Variants in CDH12 observed in about 807,000 individuals in gnomAD.
CDH12 encodes cadherin-12.
In CDH12, 41 loss-of-function variants were observed where a neutral mutation model predicts 74.1. The ratio of observed to expected loss-of-function variants is 0.55; its 90% CI spans 0.43 to 0.72. The LOEUF (loss-of-function observed/expected upper bound fraction) is 0.72. Ranked by LOEUF, CDH12 falls within the 30% of genes least tolerant of loss-of-function variation. The pLI, the probability that CDH12 is intolerant of heterozygous loss-of-function variation, is 0.00. For missense variants in CDH12, 945 were observed against 977.2 expected (o/e 0.97, Z 0.44); for synonymous variants, 399 against 355.0 (o/e 1.12, Z -1.39).
intron 3 of CDH12, among the ~76,000 whole-genome samples, chr5:22,351,903 T>C (rs1053452311): frequency 1.3e-5 from 2 of 152,118 alleles, no homozygotes; most frequent in Non-Finnish European, 2.9e-5. Context: ...ATAGTAGTAA[T>C]TGAAGAAAAA....
chr5:22,403,942 T>C (rs917191874), intron 3 of CDH12, among the ~76,000 whole-genome samples: 2 of 152,136 alleles, frequency 1.3e-5, no homozygotes, highest in Admixed American at 1.3e-4. Context: ...AGATATAATA[T>C]TTGACTATAT....
At position 22,808,605 on chromosome 5, in the gene CDH12, C is replaced by CTTTTT. The variant is rs34567315; in HGVS notation, c.-523+44448_-523+44452dup. Among the ~76,000 whole-genome samples the CTTTTT allele has an allele frequency of 2.3e-4, 26 of 111,454 alleles. 1 individual carries two copies. Among genetic ancestry groups the CTTTTT allele is most frequent in the South Asian group, 2.9e-4 (1 of 3,442 alleles). 73.1% of individuals were successfully genotyped at this position (111,454 alleles called of 152,430 possible). A position where few individuals can be genotyped will look rare whatever the true frequency, so the allele number is the denominator to read the frequency against. ...CATAGATTTTCTTTTCTTTTCTTGT[C>CTTTTT]TTTTTTTTTTTTTTTTTTTGAGATG... On this transcript the variant is annotated intron_variant, in intron 1 of 14. Transcript: ENST00000382254.
At chr5:22,300,954 A>G (rs1192173611) in intron 3 of CDH12, among the ~76,000 whole-genome samples, 3 of 152,210 alleles carry the variant, frequency 2.0e-5, no homozygotes, top group African/African-American at 7.2e-5. Flanking sequence ...CTATGACCCA[A>G]GTATAAAATG....
At chr5:22,045,157 A>T (rs572487911) in intron 5 of CDH12, among the ~76,000 whole-genome samples, 1 of 152,322 alleles carries the variant, frequency 6.6e-6, no homozygotes, top group South Asian at 2.1e-4. Context: ...TTTTTAAAAG[A>T]AGACATATAA....
At chr5:22,102,691 A>AATAAATAAATAC (rs1422136034) in intron 4 of CDH12, among the ~76,000 whole-genome samples, 2 of 148,974 alleles carry the variant, frequency 1.3e-5, no homozygotes, top group African/African-American at 5.0e-5. Context: ...TAAATAAATA[A>AATAAATAAATAC]ATACATAAAT....
chr5:22,304,253 A>G (rs921353364), intron 3 of CDH12, among the ~76,000 whole-genome samples: 1 of 152,170 alleles, frequency 6.6e-6, no homozygotes, highest in African/African-American at 2.4e-5. Context: ...ACGCATGGTC[A>G]CCTTGGCTAC....
At chr5:21,960,782 G>A (rs2910519) in intron 6 of CDH12, among the ~76,000 whole-genome samples, 7,781 of 151,750 alleles carry the variant, frequency 0.051, 669 homozygotes, top group African/African-American at 0.18. Context: ...ATGTTTGCCT[G>A]TCTTTCTATT....
At chr5:22,732,471 TACAC>T (rs58402882) in intron 1 of CDH12, among the ~76,000 whole-genome samples, 144 of 72,696 alleles carry the variant, frequency 2.0e-3, no homozygotes, top group African/African-American at 4.5e-3. Context: ...TATATATATA[TACAC>T]ACACACACAC....
chr5:21,872,771 T>A (rs1751693551), intron 6 of CDH12, among the ~76,000 whole-genome samples: 1 of 150,128 alleles, frequency 6.7e-6, no homozygotes, highest in Non-Finnish European at 1.5e-5. Context: ...GCCTCTGCCA[T>A]GTTAAGAGTA....
intron 4 of CDH12, among the ~76,000 whole-genome samples, chr5:22,125,409 CT>C (rs775647642): frequency 3.3e-5 from 5 of 152,126 alleles, no homozygotes; most frequent in Non-Finnish European, 5.9e-5. Flanking sequence ...TGGTTTCCAG[CT>C]TCATTCATGT....
At chr5:22,388,226 C>T (rs751077986) in intron 3 of CDH12, among the ~76,000 whole-genome samples, 60 of 152,108 alleles carry the variant, frequency 3.9e-4, no homozygotes, top group Middle Eastern at 6.8e-3. Context: ...TTGGCTTCTG[C>T]TTTACAAATG....
chr5:22,076,364 T>G (rs768054458), intron 5 of CDH12, among the ~76,000 whole-genome samples: 11 of 152,152 alleles, frequency 7.2e-5, no homozygotes, highest in Non-Finnish European at 1.3e-4. Flanking sequence ...GAAATACTAC[T>G]GCTATCTAGG....
At chr5:22,398,435 G>A (rs1742560143) in intron 3 of CDH12, among the ~76,000 whole-genome samples, 1 of 152,070 alleles carries the variant, frequency 6.6e-6, no homozygotes, top group Non-Finnish European at 1.5e-5. Context: ...TAAGAGAGTT[G>A]GGTGTGAATG....
chr5:21,773,325 G>A (rs1181157466), intron 11 of CDH12, among the ~76,000 whole-genome samples: 2 of 152,156 alleles, frequency 1.3e-5, no homozygotes, highest in African/African-American at 4.8e-5. Flanking sequence ...TCAGTGAACT[G>A]AAAGAGGCAG....
chr5:21,912,881 C>T (rs564788947), intron 6 of CDH12, among the ~76,000 whole-genome samples: 101 of 152,104 alleles, frequency 6.6e-4, no homozygotes, highest in Non-Finnish European at 7.3e-4. Context: ...CTCACTCTGT[C>T]ACCCAAGCTG....
At chr5:22,151,056 G>C (rs546429416) in intron 4 of CDH12, among the ~76,000 whole-genome samples, 1 of 152,120 alleles carries the variant, frequency 6.6e-6, no homozygotes, top group African/African-American at 2.4e-5. Context: ...GGTGTTTTAC[G>C]CACTTTTTGT....
In CDH12 at chr5:22,823,347, A is replaced by G. The variant is rs184098767; in HGVS notation, c.-523+29711T>C. Among the ~76,000 whole-genome samples the G allele has an allele frequency of 1.3e-3, 197 of 151,888 alleles. 1 individual carries two copies. The highest frequency in any genetic ancestry group is 2.7e-3 in the Admixed American group (42 of 15,274). Reference sequence around the variant, plus strand: ...ATGTATACATATGTAACAAACCTGCACATTGTGCACATCTATCCTAAAACT... The same window carrying G: ...ATGTATACATATGTAACAAACCTGCGCATTGTGCACATCTATCCTAAAACT... On this transcript the variant is annotated intron_variant, in intron 1 of 14. Transcript: ENST00000382254.
chr5:22,533,263 C>T (rs145005016), intron 1 of CDH12, among the ~76,000 whole-genome samples: 27 of 152,274 alleles, frequency 1.8e-4, no homozygotes, highest in African/African-American at 6.5e-4. Flanking sequence ...AAGAGAGCCC[C>T]TGCCTAATAA....
chr5:22,409,464 AT>A (rs1450942778), intron 2 of CDH12, among the ~76,000 whole-genome samples: 1 of 151,974 alleles, frequency 6.6e-6, no homozygotes, highest in African/African-American at 2.4e-5. Context: ...AAACTAGCTT[AT>A]TTTCCAAGTT....
Sources: gnomAD v4.1 joint callset for allele counts (sites outside exome capture counted in the v4.1 genomes callset) on GRCh38, gnomAD v4.1.1 for gene constraint, MANE v1.5 for transcripts, NCBI Gene and HGNC (gene_info 2026-07-23, HGNC 2026-07-21) for gene names.